ERI3: variants seen among roughly 807,000 people sequenced by gnomAD.
The protein encoded by ERI3 is ERI1 exoribonuclease 3.
Under a neutral mutation model 44.4 loss-of-function variants are expected in ERI3, and 18 were observed. The observed-to-expected ratio is 0.41, with a 90% CI of 0.28 to 0.60. ERI3 has a LOEUF of 0.60. Among genes scored for constraint, ERI3 ranks in the 20% least tolerant of loss-of-function variants. ERI3 has a pLI of 0.36. For synonymous variants in ERI3, 183 were observed against 164.8 expected, an observed-to-expected ratio of 1.11 and a Z score of -0.84; for missense variants, 294 against 435.5, an observed-to-expected ratio of 0.68 and a Z score of 2.89.
At chr1:44,259,805 A>G (rs942939250) in intron 7 of ERI3, among the ~76,000 whole-genome samples, 2 of 151,710 alleles carry the variant, frequency 1.3e-5, no homozygotes, top group Non-Finnish European at 2.9e-5. Flanking sequence ...CCTTAAGCCC[A>G]GGGGGTTGAG....
At chr1:44,310,395 G>C (rs374654229) in intron 5 of ERI3, among the ~76,000 whole-genome samples, 3 of 152,310 alleles carry the variant, frequency 2.0e-5, no homozygotes, top group African/African-American at 7.2e-5. Context: ...TAAGCACCAC[G>C]AAGGCAGGAA....
At chr1:44,314,619 G>A (rs762534165) in intron 4 of ERI3, among the ~76,000 whole-genome samples, 2 of 152,180 alleles carry the variant, frequency 1.3e-5, no homozygotes, top group Non-Finnish European at 2.9e-5. Context: ...AGTAGAGGGA[G>A]GGCCTGAGTC....
At chr1:44,285,805 T>C (rs1011061969) in intron 6 of ERI3, among the ~76,000 whole-genome samples, 1 of 152,100 alleles carries the variant, frequency 6.6e-6, no homozygotes, top group African/African-American at 2.4e-5. Flanking sequence ...TATGCAAGGA[T>C]GGAGGAAGAC....
intron 8 of ERI3, among the ~76,000 whole-genome samples, chr1:44,223,503 G>T (rs992070180): frequency 6.6e-6 from 1 of 152,076 alleles, no homozygotes; most frequent in African/African-American, 2.4e-5. Flanking sequence ...AATCCTTCCT[G>T]TCTCCGGTAC....
chr1:44,229,645 A>G (rs1644129415), intron 8 of ERI3, among the ~76,000 whole-genome samples: 1 of 152,218 alleles, frequency 6.6e-6, no homozygotes, highest in Non-Finnish European at 1.5e-5. Flanking sequence ...CTGGGCATGC[A>G]GCCCCGGCAC....
chr1:44,310,961 GCGCACA>G (rs1434194930), intron 5 of ERI3, among the ~76,000 whole-genome samples: 19 of 84,698 alleles, frequency 2.2e-4, no homozygotes, highest in Middle Eastern at 0.012. Flanking sequence ...TCGCGCGCGC[GCGCACA>G]CACACACACA....
chr1:44,264,600 G>C (rs1223929379), intron 7 of ERI3, among the ~76,000 whole-genome samples: 1 of 152,318 alleles, frequency 6.6e-6, no homozygotes, highest in East Asian at 1.9e-4. Context: ...CCTCCTTCCT[G>C]AGCCCCCATA....
chr1:44,297,237 T>C (rs1645628966), intron 6 of ERI3, among the ~76,000 whole-genome samples: 1 of 152,000 alleles, frequency 6.6e-6, no homozygotes, highest in Admixed American at 6.6e-5. Flanking sequence ...CCAGGGACAC[T>C]GAGAATTTAT....
intron 2 of ERI3, among the ~76,000 whole-genome samples, chr1:44,342,863 T>A (rs1355167587): frequency 0.018 from 317 of 17,546 alleles, no homozygotes; most frequent in Non-Finnish European, 0.027. Flanking sequence ...ATATATTTTT[T>A]TTTTTTTTTT....
intron 6 of ERI3, among the ~76,000 whole-genome samples, chr1:44,306,825 CCAA>C (rs1324002490): frequency 6.6e-6 from 1 of 152,184 alleles, no homozygotes; most frequent in Admixed American, 6.5e-5. Context: ...CTGGACTGGG[CCAA>C]AGGGCCTTCC....
At chr1:44,328,151 T>C (rs1014941460) in intron 3 of ERI3, among the ~76,000 whole-genome samples, 8 of 152,078 alleles carry the variant, frequency 5.3e-5, no homozygotes, top group Non-Finnish European at 8.8e-5. Flanking sequence ...AGGTAAACAG[T>C]TGTGCTGGCA....
chr1:44,297,574 G>A (rs79957787), intron 6 of ERI3, among the ~76,000 whole-genome samples: 1 of 152,152 alleles, frequency 6.6e-6, no homozygotes, highest in Non-Finnish European at 1.5e-5. Flanking sequence ...TAGTGGCTCA[G>A]GTGCCAACAC....
chr1:44,274,428 C>T (rs1645142524), intron 7 of ERI3, among the ~76,000 whole-genome samples: 2 of 152,140 alleles, frequency 1.3e-5, no homozygotes, highest in South Asian at 4.1e-4. Context: ...CCAAAGGCAA[C>T]ACATGTTAAC....
chr1:44,311,331 C>T (rs1025394536), intron 5 of ERI3, among the ~76,000 whole-genome samples: 33 of 152,086 alleles, frequency 2.2e-4, no homozygotes, highest in African/African-American at 7.7e-4. Flanking sequence ...GCACCTTTTA[C>T]CATGAGTCAG....
chr1:44,338,373 G>A lies in ERI3; in HGVS notation c.489+672C>T, dbSNP rs143398762. ...GCTGCAGTCATCTGAAGGCCTGACC[G>A]GGGCTGGTAGATTCACTTCTAAGAT... is the stretch of plus-strand genomic sequence containing the variant. On this transcript the variant is annotated intron_variant, in intron 3 of 8. Transcript: ENST00000372257. Among the ~76,000 whole-genome samples, 192 of 152,300 alleles carry A rather than the reference G, an allele frequency of 1.3e-3. 1 individual carries two copies. Among genetic ancestry groups the A allele is most frequent in the Non-Finnish European group, 2.2e-3 (149 of 68,016 alleles).
chr1:44,256,525 C>T (rs1644783966), intron 7 of ERI3, among the ~76,000 whole-genome samples: 1 of 152,190 alleles, frequency 6.6e-6, no homozygotes, highest in Non-Finnish European at 1.5e-5. Context: ...CTCCGGCTAC[C>T]AACATACTTC....
At chr1:44,271,676 C>G (rs1645090473) in intron 7 of ERI3, among the ~76,000 whole-genome samples, 1 of 152,146 alleles carries the variant, frequency 6.6e-6, no homozygotes, top group African/African-American at 2.4e-5. Flanking sequence ...TAGAACAGCA[C>G]CTGGTTTTAT....
chr1:44,309,459 C>T (rs1645908136), intron 5 of ERI3, among the ~76,000 whole-genome samples: 2 of 151,860 alleles, frequency 1.3e-5, no homozygotes, highest in Admixed American at 1.3e-4. Context: ...CACACCACTG[C>T]ACTCCAGCCT....
chr1:44,332,413 A>T (rs1053559851), intron 3 of ERI3, among the ~76,000 whole-genome samples: 4 of 152,202 alleles, frequency 2.6e-5, no homozygotes, highest in African/African-American at 7.2e-5. Context: ...TTTTGTTACC[A>T]GTGACCCAGT....
Sources: allele counts gnomAD v4.1 joint callset (sites outside exome capture counted in the v4.1 genomes callset), GRCh38; gene constraint gnomAD v4.1.1; transcripts MANE v1.5; gene names NCBI Gene and HGNC (gene_info 2026-07-23, HGNC 2026-07-21).